Variants in LRRC4C observed in about 807,000 individuals in gnomAD.
LRRC4C encodes leucine-rich repeat-containing protein 4C.
LRRC4C carries 5 observed loss-of-function variants against 33.6 expected under a neutral mutation model. That is an observed-to-expected ratio of 0.15 (90% CI 0.08 to 0.31). The LOEUF (loss-of-function observed/expected upper bound fraction) is 0.31, where lower values mean the gene tolerates loss of function less well. Ranked by LOEUF, LRRC4C falls within the 10% of genes least tolerant of loss-of-function variation. The probability of loss-of-function intolerance (pLI) is 1.00; values close to 1 mark genes in which losing one functional copy is unlikely to be tolerated. For synonymous variants in LRRC4C, 329 were observed against 302.0 expected (o/e 1.09, Z -0.93); for missense variants, 560 against 796.7 (o/e 0.70, Z 3.58).
chr11:41,379,446 T>C (rs1284700140), intron 1 of LRRC4C, among the ~76,000 whole-genome samples: 3 of 152,154 alleles, frequency 2.0e-5, no homozygotes, highest in Non-Finnish European at 1.5e-5. Context: ...TACTGGTAAC[T>C]AGCAGGAAGT....
chr11:40,876,062 A>C (rs993512417), intron 2 of LRRC4C, among the ~76,000 whole-genome samples: 2 of 152,106 alleles, frequency 1.3e-5, no homozygotes, highest in African/African-American at 4.8e-5. Flanking sequence ...CAGGATTTTC[A>C]GTATTTTTGT....
At chr11:40,311,015 T>C (rs1354887534) in intron 4 of LRRC4C, among the ~76,000 whole-genome samples, 1 of 152,236 alleles carries the variant, frequency 6.6e-6, no homozygotes, top group Non-Finnish European at 1.5e-5. Context: ...GAGGATTCCT[T>C]AGATCCTTTG....
At chr11:40,488,895 G>A (rs1051718325) in intron 3 of LRRC4C, among the ~76,000 whole-genome samples, 1 of 152,042 alleles carries the variant, frequency 6.6e-6, no homozygotes, top group African/African-American at 2.4e-5. Context: ...TCTTATGCCT[G>A]CCCAATGATA....
At chr11:41,244,071 G>T (rs1439750461) in intron 1 of LRRC4C, among the ~76,000 whole-genome samples, 1 of 152,076 alleles carries the variant, frequency 6.6e-6, no homozygotes, top group African/African-American at 2.4e-5. Flanking sequence ...CAGATAATGA[G>T]AAGAGAATGG....
intron 1 of LRRC4C, among the ~76,000 whole-genome samples, chr11:41,034,971 G>GTTATGTTATTTTGTTT (rs1856975623): frequency 6.7e-6 from 1 of 149,408 alleles, no homozygotes; most frequent in Non-Finnish European, 1.5e-5. Context: ...ATTTTTTGTT[G>GTTATGTTATTTTGTTT]TTATGTTATT....
At chr11:40,860,816 T>C (rs34472465) in intron 2 of LRRC4C, among the ~76,000 whole-genome samples, 3 of 79,822 alleles carry the variant, frequency 3.8e-5, no homozygotes, top group Non-Finnish European at 7.3e-5. Context: ...TTTTTTTTTT[T>C]CAGTGAGGCA....
intron 2 of LRRC4C, among the ~76,000 whole-genome samples, chr11:40,794,153 G>T (rs1023506226): frequency 6.6e-6 from 1 of 152,086 alleles, no homozygotes; most frequent in African/African-American, 2.4e-5. Flanking sequence ...CCTTTTTCAA[G>T]GAAGTAGCTT....
intron 1 of LRRC4C, among the ~76,000 whole-genome samples, chr11:41,206,761 A>G (rs1442238447): frequency 6.6e-6 from 1 of 152,156 alleles, no homozygotes; most frequent in African/African-American, 2.4e-5. Flanking sequence ...TGTTACTGCT[A>G]ATAATACTTA....
chr11:40,131,945 T>C (rs183465593), intron 6 of LRRC4C, among the ~76,000 whole-genome samples: 1 of 152,344 alleles, frequency 6.6e-6, no homozygotes, highest in African/African-American at 2.4e-5. Context: ...TACAGTACCA[T>C]CATGGGTTCC....
chr11:40,798,325 T>A (rs1400183001), intron 2 of LRRC4C, among the ~76,000 whole-genome samples: 1 of 152,186 alleles, frequency 6.6e-6, no homozygotes, highest in Admixed American at 6.5e-5. Flanking sequence ...CAGCTGTCAC[T>A]CTGAAAGCAA....
At chr11:40,893,362 G>T (rs1369195881) in intron 2 of LRRC4C, among the ~76,000 whole-genome samples, 1 of 152,018 alleles carries the variant, frequency 6.6e-6, no homozygotes, top group Non-Finnish European at 1.5e-5. Context: ...GCACATTTTA[G>T]AACTGAGGAA....
intron 3 of LRRC4C, among the ~76,000 whole-genome samples, chr11:40,624,503 T>C (rs749873591): frequency 3.1e-4 from 47 of 152,256 alleles, no homozygotes; most frequent in Non-Finnish European, 5.1e-4. Flanking sequence ...AGATACCAAG[T>C]CAGTCTTAAT....
At chr11:41,385,392 C>T (rs987396151) in intron 1 of LRRC4C, among the ~76,000 whole-genome samples, 1 of 151,344 alleles carries the variant, frequency 6.6e-6, no homozygotes, top group South Asian at 2.1e-4. Context: ...CAAATCTGAA[C>T]AAATTTCAAA....
intron 5 of LRRC4C, among the ~76,000 whole-genome samples, chr11:40,179,208 G>C (rs965808454): frequency 1.3e-5 from 2 of 151,710 alleles, no homozygotes; most frequent in Non-Finnish European, 2.9e-5. Flanking sequence ...TCTCTCTATG[G>C]TGCCTAGACT....
chr11:41,091,421 C>G (rs1032422562), intron 1 of LRRC4C, among the ~76,000 whole-genome samples: 2 of 151,920 alleles, frequency 1.3e-5, no homozygotes, highest in African/African-American at 4.8e-5. Context: ...AAATAATTAT[C>G]CTAATGACAC....
At chr11:40,382,857 C>T (rs953140798) in intron 3 of LRRC4C, among the ~76,000 whole-genome samples, 4 of 151,838 alleles carry the variant, frequency 2.6e-5, no homozygotes, top group Admixed American at 6.6e-5. Context: ...CCATGCCCAG[C>T]TAATTTTTTG....
chr11:41,182,490 G>T (rs1218191063), intron 1 of LRRC4C, among the ~76,000 whole-genome samples: 2 of 152,126 alleles, frequency 1.3e-5, no homozygotes, highest in African/African-American at 4.8e-5. Context: ...CAAGTCCATA[G>T]GTATACAATC....
At chr11:40,196,960 T>C (rs557719547) in intron 5 of LRRC4C, among the ~76,000 whole-genome samples, 1 of 152,302 alleles carries the variant, frequency 6.6e-6, no homozygotes, top group East Asian at 1.9e-4. Context: ...CTGGGTAAAA[T>C]TGCTTGCTAA....
At chr11:40,371,258 T>A (rs1324604467) in intron 3 of LRRC4C, among the ~76,000 whole-genome samples, 2 of 152,152 alleles carry the variant, frequency 1.3e-5, no homozygotes, top group Admixed American at 6.6e-5. Flanking sequence ...TTCACAACAT[T>A]ACAAATTGCA....
Sources: gnomAD v4.1 joint callset for allele counts (sites outside exome capture counted in the v4.1 genomes callset) on GRCh38, gnomAD v4.1.1 for gene constraint, MANE v1.5 for transcripts, NCBI Gene and HGNC (gene_info 2026-07-23, HGNC 2026-07-21) for gene names.